Variants in CDH3 observed in about 807,000 individuals in gnomAD.
CDH3 encodes the protein cadherin-3.
A neutral mutation model predicts 82.0 loss-of-function variants in CDH3; 54 were observed. The observed-to-expected ratio is 0.66, with a 90% CI of 0.53 to 0.83. The LOEUF is 0.83. Ranked by LOEUF, CDH3 falls within the 40% of genes least tolerant of loss-of-function variation. The probability of loss-of-function intolerance (pLI) is 0.00; values close to 1 mark genes in which losing one functional copy is unlikely to be tolerated. For missense variants in CDH3, 1,054 were observed against 1,084.6 expected (o/e 0.97, Z 0.40); for synonymous variants, 446 against 437.9 (o/e 1.02, Z -0.23).
chr16:68,718,498 G>A (rs1353591392), intron 1 of CDH3, among the ~76,000 whole-genome samples: 3 of 151,858 alleles, frequency 2.0e-5, no homozygotes, highest in South Asian at 2.1e-4. Flanking sequence ...TGGCCAAGAT[G>A]TCAAAAACCC....
chr16:68,684,644 C>A lies in CDH3; in HGVS notation c.1244C>A (p.Pro415His). Reference protein sequence around the residue: ...TLYVEVTNEAPFVLKLPTSTA... With the variant: ...TLYVEVTNEAHFVLKLPTSTA... ...TACGTTGAAGTGACCAACGAGGCCC[C>A]TTTTGTGCTGAAGCTCCCAACCTCC... is the stretch of plus-strand genomic sequence containing the variant. Residue 415 changes from proline to histidine, a missense_variant, in exon 10 of 16, where the codon CCT becomes CAT. Transcript: ENST00000264012. 6.2e-7 allele frequency: 1 copy of A among 1,614,212 alleles called. No homozygotes were observed. The highest frequency in any genetic ancestry group is 1.1e-5 in the South Asian group (1 of 91,086).
chr16:68,687,448 G>A (rs1010893275), intron 11 of CDH3, 64 bp from the exon 12 acceptor site: 12 of 1,327,520 alleles, frequency 9.0e-6, no homozygotes, highest in African/African-American at 8.6e-5. Context: ...GTAAACAGGA[G>A]GAGCCCCCCT....
At position 68,695,862 on chromosome 16, in the gene CDH3, C is replaced by A. The variant is rs200361366; in HGVS notation, c.2219C>A (p.Pro740Gln). The change falls in exon 15 of 16, where the codon CCG becomes CAG. Residue 740 changes from proline to glutamine, a missense_variant. By Grantham distance (76) the Pro-to-Gln change is moderately conservative. Transcript: ENST00000264012. Reference protein sequence around the residue: ...LRNDVAPTIIPTPMYRPRPAN... With the variant: ...LRNDVAPTIIQTPMYRPRPAN... ...AATGACGTGGCACCAACCATCATCC[C>A]GACACCCATGTACCGTCCTCGGCCA... is the stretch of plus-strand genomic sequence containing the variant. 6.2e-7 allele frequency: 1 copy of A among 1,613,998 alleles called. No homozygotes were observed. Among genetic ancestry groups the A allele is most frequent in the Non-Finnish European group, 8.5e-7 (1 of 1,180,020 alleles).
At chr16:68,667,037 C>T (rs1960752271) in intron 2 of CDH3, among the ~76,000 whole-genome samples, 1 of 152,074 alleles carries the variant, frequency 6.6e-6, no homozygotes, top group East Asian at 1.9e-4. Context: ...AAAGGTTGTG[C>T]CAGTTAATAT....
Position 68,725,757 on chromosome 16 carries a change from A to G in CDH3, c.*46-1396A>G, listed in dbSNP as rs541273556. Reference sequence around the variant, plus strand: ...ACTCAAAGGCTTATTACTAGCAGGTAGAAAAGTAGGATTCAGGCCAGCATG... The same window carrying G: ...ACTCAAAGGCTTATTACTAGCAGGTGGAAAAGTAGGATTCAGGCCAGCATG... On this transcript the variant is annotated intron_variant, in intron 2 of 2. Coordinates refer to the CDH3 transcript ENST00000569080. Among the ~76,000 whole-genome samples the G allele has an allele frequency of 4.6e-5, 7 of 152,262 alleles. No homozygotes were observed. In the South Asian group the frequency reaches 1.5e-3, roughly 32 times the overall value.
At chr16:68,674,734 C>CA (rs951519595) in intron 2 of CDH3, among the ~76,000 whole-genome samples, 2 of 151,730 alleles carry the variant, frequency 1.3e-5, no homozygotes, top group Admixed American at 6.6e-5. Flanking sequence ...TACCCTGTCT[C>CA]AAAAAAAAGA....
At chr16:68,721,315 C>T (rs1443429080) in intron 1 of CDH3, among the ~76,000 whole-genome samples, 1 of 145,450 alleles carries the variant, frequency 6.9e-6, no homozygotes, top group Non-Finnish European at 1.5e-5. Flanking sequence ...CTCACTGCAA[C>T]CTCTGCCTCC....
At position 68,687,796 on chromosome 16, in the gene CDH3, C is replaced by G. The variant is rs1961458919; in HGVS notation, c.1795+60C>G. 4.1e-6 allele frequency: 5 copies of G among 1,219,538 alleles called. No homozygotes were observed. The East Asian group carries it at 1.2e-4, about 29-fold the overall frequency. The allele number at this position is 1,219,538 out of a possible 1,614,324, so 75.5% of individuals were successfully genotyped here. On this transcript the variant is annotated intron_variant, in intron 12 of 15. Transcript: ENST00000264012. ...CAGCCCCACTGGTGGGCATCTGCCC[C>G]ACACCAGGATTCTGCACACGTTCCT...
intron 2 of CDH3, among the ~76,000 whole-genome samples, chr16:68,661,928 T>A (rs138950705): frequency 6.6e-6 from 1 of 152,326 alleles, no homozygotes; most frequent in Non-Finnish European, 1.5e-5. Context: ...TGACCTCAGG[T>A]GATCTGCCCG....
chr16:68,685,261 A>G lies in CDH3; in HGVS notation c.1481A>G (p.Gln494Arg), dbSNP rs765821580. The change falls in exon 11 of 16, where the codon CAG (glutamine) becomes CGG (arginine). Residue 494 changes from glutamine (Q) to arginine (R), a missense_variant. By Grantham distance (43) the Gln-to-Arg change is conservative (BLOSUM62 1). Coordinates refer to ENST00000264012, the MANE Select transcript of CDH3 (RefSeq NM_001793.6). ...GWLAMDPDSG[Q>R]VTAVGTLDRE... is the part of the protein sequence containing the mutation. ...CTAGCCATGGACCCAGACAGTGGGC[A>G]GGTCACAGCTGTGGGCACCCTCGAC... 6.2e-7 allele frequency: 1 copy of G among 1,614,126 alleles called. No individual in the cohort carries two copies. The highest frequency in any genetic ancestry group is 1.1e-5 in the South Asian group (1 of 91,080).
chr16:68,674,305 T>C (rs371091681), intron 2 of CDH3, among the ~76,000 whole-genome samples: 1 of 152,386 alleles, frequency 6.6e-6, no homozygotes, highest in South Asian at 2.1e-4. Flanking sequence ...CATCTTTTCA[T>C]GTGCTTATTG....
chr16:68,717,660 C>A (rs1597829999), intron 1 of CDH3, among the ~76,000 whole-genome samples: 1 of 151,956 alleles, frequency 6.6e-6, no homozygotes. Context: ...GTAATCCCAG[C>A]TACTCGGGAG....
intron 2 of CDH3, among the ~76,000 whole-genome samples, chr16:68,650,090 G>A (rs1350393614): frequency 1.3e-5 from 2 of 151,778 alleles, no homozygotes; most frequent in Admixed American, 1.3e-4. Flanking sequence ...TGGAGAGGGG[G>A]TCAGGTTTAG....
intron 2 of CDH3, among the ~76,000 whole-genome samples, chr16:68,723,808 G>T (rs566467997): frequency 6.6e-6 from 1 of 152,118 alleles, no homozygotes; most frequent in Non-Finnish European, 1.5e-5. Flanking sequence ...GGTGGCTCAC[G>T]CCTGTAATCC....
Position 68,678,484 on chromosome 16 carries a change from T to C in CDH3, c.391-17T>C. On this transcript the variant is annotated splice_polypyrimidine_tract_variant and intron_variant, in intron 4 of 15. Coordinates refer to ENST00000264012, the MANE Select transcript of CDH3 (RefSeq NM_001793.6). ...ATATTTGTTACTTTGTCAGCTGCCA[T>C]TTTCTTTTCCCTCCAGCTCAAGTCT... The C allele has an allele frequency of 6.2e-7, 1 of 1,614,182 alleles. No homozygotes were observed. Among genetic ancestry groups the C allele is most frequent in the South Asian group, 1.1e-5 (1 of 91,080 alleles).
At chr16:68,692,054 T>A (rs1418878351) in intron 13 of CDH3, 128 bp downstream of exon 13, 3 of 685,262 alleles carry the variant, frequency 4.4e-6, no homozygotes, top group East Asian at 2.7e-5. Flanking sequence ...ACATTTTTTT[T>A]AAGACAGGGT....
At chr16:68,678,008 C>A in intron 3 of CDH3, 126 bp from the exon 4 acceptor site, 2 of 888,880 alleles carry the variant, frequency 2.3e-6, no homozygotes, top group South Asian at 2.7e-5. Flanking sequence ...GTGACCCTCC[C>A]AAAGTACTGG....
chr16:68,647,935 A>G (rs996923022), intron 2 of CDH3, among the ~76,000 whole-genome samples: 2 of 152,188 alleles, frequency 1.3e-5, no homozygotes, highest in Non-Finnish European at 2.9e-5. Context: ...CCCCTGGGTT[A>G]TGAATATCAA....
chr16:68,719,734 C>T (rs1053821393), intron 1 of CDH3, among the ~76,000 whole-genome samples: 1 of 152,040 alleles, frequency 6.6e-6, no homozygotes, highest in African/African-American at 2.4e-5. Flanking sequence ...CTCCTGACCT[C>T]GTGATCCGCC....
Sources: gnomAD v4.1 joint callset for allele counts (sites outside exome capture counted in the v4.1 genomes callset) on GRCh38, gnomAD v4.1.1 for gene constraint, MANE v1.5 for transcripts, NCBI Gene and HGNC (gene_info 2026-07-23, HGNC 2026-07-21) for gene names.